The following NAALADL2 variants were observed in gnomAD, a reference collection of about 807,000 sequenced individuals.
NAALADL2 encodes inactive N-acetylated-alpha-linked acidic dipeptidase-like protein 2.
A neutral mutation model predicts 87.2 loss-of-function variants in NAALADL2; 76 were observed. The ratio of observed to expected loss-of-function variants is 0.87; its 90% CI spans 0.72 to 1.05. NAALADL2 has a LOEUF of 1.05. Ranked by LOEUF, NAALADL2 falls within the 50% of genes least tolerant of loss-of-function variation. The pLI is 0.00. For missense variants in NAALADL2, 1,089 were observed against 945.8 expected, an observed-to-expected ratio of 1.15 and a Z score of -1.99; for synonymous variants, 354 against 331.0, an observed-to-expected ratio of 1.07 and a Z score of -0.75.
chr3:175,228,418 T>C (rs1010554433), intron 2 of NAALADL2, among the ~76,000 whole-genome samples: 4 of 151,930 alleles, frequency 2.6e-5, no homozygotes, highest in South Asian at 4.1e-4. Context: ...TTAATAGATA[T>C]TCTGAAAAAC....
At chr3:174,464,787 AT>A (rs1716421581) in intron 1 of NAALADL2, among the ~76,000 whole-genome samples, 1 of 152,008 alleles carries the variant, frequency 6.6e-6, no homozygotes, top group Admixed American at 6.5e-5. Context: ...TTTCAGGTAG[AT>A]AACAGTACTC....
In NAALADL2 at chr3:174,982,395, G is replaced by A. The variant is rs547866896; in HGVS notation, c.44-114395G>A. Among the ~76,000 whole-genome samples, 22 of 152,094 alleles carry A rather than the reference G, an allele frequency of 1.4e-4. No homozygotes were observed. In the East Asian group the frequency reaches 4.2e-3, roughly 29 times the overall value. ...AATCAAGAAACTCAGTACTCAATATGTAGACTTTAGAGAGAGGCCTCTGAT... is the reference window on the plus strand; with the variant it reads ...AATCAAGAAACTCAGTACTCAATATATAGACTTTAGAGAGAGGCCTCTGAT... On this transcript the variant is annotated intron_variant, in intron 1 of 13. Transcript: ENST00000454872.
At chr3:174,926,374 C>T (rs1433331232) in intron 1 of NAALADL2, among the ~76,000 whole-genome samples, 7 of 152,064 alleles carry the variant, frequency 4.6e-5, no homozygotes, top group Middle Eastern at 3.4e-3. Context: ...AGATACTCCT[C>T]GAGAAGAGCA....
chr3:174,837,991 C>G (rs576214816), intron 3 of NAALADL2, among the ~76,000 whole-genome samples: 2 of 142,022 alleles, frequency 1.4e-5, no homozygotes, highest in East Asian at 4.1e-4. Context: ...CACCCTAATA[C>G]CAAAACCAGG....
chr3:175,142,229 T>C (rs1730103333), intron 2 of NAALADL2, among the ~76,000 whole-genome samples: 1 of 152,076 alleles, frequency 6.6e-6, no homozygotes, highest in Non-Finnish European at 1.5e-5. Context: ...CTGAGAACTT[T>C]TCTAAAGTGA....
intron 2 of NAALADL2, among the ~76,000 whole-genome samples, chr3:174,686,385 T>C (rs1323618943): frequency 1.3e-5 from 2 of 152,170 alleles, no homozygotes; most frequent in Non-Finnish European, 2.9e-5. Flanking sequence ...ATTTTTTGAC[T>C]TTGTAATAGC....
rs916327111 is a variant in NAALADL2, at chr3:175,307,956, CAAAGT to C, written c.940-16211_940-16207del. The stretch of plus-strand genomic sequence containing the variant: ...AAACTTATTCAATTAAAGCAGAAAA[CAAAGT>C]AAAGTAATTATTTACTCCCACTTGA... On this transcript the variant is annotated intron_variant, in intron 4 of 13. Transcript: ENST00000454872. Among the ~76,000 whole-genome samples, 5 of 152,164 alleles carry C rather than the reference CAAAGT, an allele frequency of 3.3e-5. No homozygotes were observed. In the South Asian group the frequency reaches 1.0e-3, roughly 32 times the overall value.
intron 4 of NAALADL2, among the ~76,000 whole-genome samples, chr3:175,296,032 C>T (rs962904776): frequency 6.6e-6 from 1 of 152,138 alleles, no homozygotes; most frequent in Non-Finnish European, 1.5e-5. Context: ...TAATTTCCAA[C>T]TTAGTTTACA....
chr3:175,021,300 C>T (rs980593367), intron 1 of NAALADL2, among the ~76,000 whole-genome samples: 1 of 152,034 alleles, frequency 6.6e-6, no homozygotes, highest in Non-Finnish European at 1.5e-5. Context: ...TTCTGTTAGA[C>T]ACTGTGTTTC....
At chr3:175,205,851 CA>C (rs1740747658) in intron 2 of NAALADL2, among the ~76,000 whole-genome samples, 1 of 151,770 alleles carries the variant, frequency 6.6e-6, no homozygotes, top group Middle Eastern at 3.2e-3. Flanking sequence ...AAAAAATGCC[CA>C]ACATCACTAA....
intron 9 of NAALADL2, among the ~76,000 whole-genome samples, chr3:175,472,970 G>C (rs537699812): frequency 7.2e-5 from 11 of 152,172 alleles, no homozygotes; most frequent in South Asian, 2.1e-4. Context: ...AAGAAATAGT[G>C]ATCTCAAGTA....
At chr3:175,360,246 C>T (rs1764833534) in intron 5 of NAALADL2, among the ~76,000 whole-genome samples, 2 of 151,976 alleles carry the variant, frequency 1.3e-5, no homozygotes, top group Non-Finnish European at 2.9e-5. Context: ...CTAAAAGTTC[C>T]TATTTGTTTC....
At chr3:174,761,872 T>G (rs904801702) in intron 3 of NAALADL2, among the ~76,000 whole-genome samples, 5 of 151,534 alleles carry the variant, frequency 3.3e-5, no homozygotes, top group African/African-American at 9.7e-5. Flanking sequence ...TGGTTTTTTG[T>G]CCTTGTGATA....
intron 1 of NAALADL2, among the ~76,000 whole-genome samples, chr3:174,861,888 T>C (rs950153418): frequency 2.0e-5 from 3 of 146,430 alleles, no homozygotes; most frequent in African/African-American, 8.0e-5. Flanking sequence ...TCTGGTAGTA[T>C]TGAGAACCCA....
chr3:175,306,160 C>A (rs1581345034), intron 4 of NAALADL2, among the ~76,000 whole-genome samples: 2 of 151,922 alleles, frequency 1.3e-5, no homozygotes, highest in East Asian at 1.9e-4. Context: ...CTTCTATTTT[C>A]TGATTTTATG....
chr3:175,418,731 G>A (rs1715116038), intron 5 of NAALADL2, among the ~76,000 whole-genome samples: 1 of 151,906 alleles, frequency 6.6e-6, no homozygotes, highest in Non-Finnish European at 1.5e-5. Flanking sequence ...AGGGGAGGGG[G>A]CAGATAATTG....
chr3:174,712,380 CTTTTTTTTTTTTTT>C (rs1169827021), intron 2 of NAALADL2, among the ~76,000 whole-genome samples: 2 of 70,432 alleles, frequency 2.8e-5, no homozygotes, highest in South Asian at 6.2e-4. Context: ...TTCTCCTCTT[CTTTTTTTTTTTTTT>C]TTTTTTTTTT....
chr3:174,827,394 G>A (rs149110604), intron 3 of NAALADL2, among the ~76,000 whole-genome samples: 2 of 152,232 alleles, frequency 1.3e-5, no homozygotes, highest in East Asian at 1.9e-4. Context: ...GGAGGGGAGA[G>A]TATTTTCTTG....
At chr3:175,185,256 T>C (rs1737160066) in intron 2 of NAALADL2, among the ~76,000 whole-genome samples, 1 of 152,100 alleles carries the variant, frequency 6.6e-6, no homozygotes, top group Non-Finnish European at 1.5e-5. Context: ...CAGCTGAAGA[T>C]GCATATATCC....
Sources: gnomAD v4.1 joint callset for allele counts (sites outside exome capture counted in the v4.1 genomes callset) on GRCh38, gnomAD v4.1.1 for gene constraint, MANE v1.5 for transcripts, NCBI Gene and HGNC (gene_info 2026-07-23, HGNC 2026-07-21) for gene names.